The following KCNQ1 variants were observed in gnomAD, a reference collection of about 807,000 sequenced individuals.
KCNQ1 encodes the protein potassium voltage-gated channel subfamily KQT member 1.
In KCNQ1, 49 loss-of-function variants were observed where a neutral mutation model predicts 72.4. The ratio of observed to expected loss-of-function variants is 0.68; its 90% CI spans 0.54 to 0.86. The LOEUF (loss-of-function observed/expected upper bound fraction) is 0.86, where lower values mean the gene tolerates loss of function less well. KCNQ1 is among the 40% of genes least tolerant of loss of function. The pLI is 0.00. For missense variants in KCNQ1, 790 were observed against 945.1 expected, an observed-to-expected ratio of 0.84 and a Z score of 2.15; for synonymous variants, 450 against 412.6, an observed-to-expected ratio of 1.09 and a Z score of -1.10.
intron 2 of KCNQ1, among the ~76,000 whole-genome samples, chr11:2,555,960 G>C (rs1848063679): frequency 1.3e-5 from 2 of 152,204 alleles, no homozygotes; most frequent in Admixed American, 1.3e-4. Context: ...CCCTAGAACA[G>C]ACCTCTGGCC....
chr11:2,584,592 GGTTAGTGTGT>G (rs1848563782), intron 7 of KCNQ1, among the ~76,000 whole-genome samples: 1 of 144,782 alleles, frequency 6.9e-6, no homozygotes, highest in Admixed American at 6.9e-5. Flanking sequence ...TGTGTTTGTG[GGTTAGTGTGT>G]GTTAGTGTGG....
rs879774801 is a variant in KCNQ1, at chr11:2,674,581, T to C, written c.1514+12500T>C. 6.5e-5 allele frequency: 26 copies of C among 398,502 alleles called. No individual in the cohort carries two copies. Among genetic ancestry groups the C allele is most frequent in the Non-Finnish European group, 8.4e-5 (19 of 226,060 alleles). 24.7% of individuals were successfully genotyped at this position (398,502 alleles called of 1,614,324 possible). A position where few individuals can be genotyped will look rare whatever the true frequency, so the allele number is the denominator to read the frequency against. On this transcript the variant is annotated intron_variant, in intron 11 of 15. Transcript: ENST00000155840. The surrounding 1 kb of genome is among the most constrained non-coding windows in gnomAD (Gnocchi z 5.9). ...GTGAGTGAATCTGAAGCATGCTAGT[T>C]GTGTTGCCTTTTAAATAGGCTCTGG...
intron 1 of KCNQ1, among the ~76,000 whole-genome samples, chr11:2,519,620 AAAAACAAAAC>A (rs143712174): frequency 9.9e-5 from 15 of 150,874 alleles, no homozygotes; most frequent in South Asian, 4.2e-4. Context: ...ACTCTGTCTC[AAAAACAAAAC>A]AAAACAAAAC....
Position 2,587,668 on chromosome 11 carries a change from C to G in KCNQ1, c.1227C>G (p.Ser409Arg). ...APRSHTLLSP[S>R]PKPKKSVVVK... ...GGAGCCACACTCTGCTGTCACCCAG[C>G]CCCAAACCCAAGAAGTCTGTGGTGG... The change falls in exon 9 of 16, where the codon AGC becomes AGG. Residue 409 changes from serine to arginine, a missense_variant. Ser to Arg is a moderately radical substitution (Grantham distance 110). Transcript: ENST00000155840. 1 of 1,613,886 alleles carries G rather than the reference C, an allele frequency of 6.2e-7. No individual in the cohort carries two copies. Among genetic ancestry groups the G allele is most frequent in the Non-Finnish European group, 8.5e-7 (1 of 1,180,014 alleles).
chr11:2,686,266 A>C (rs1207759681), intron 11 of KCNQ1: 2 of 398,668 alleles, frequency 5.0e-6, no homozygotes, highest in African/African-American at 2.1e-5. Flanking sequence ...CTGCCACCCC[A>C]GTACTGCCAC....
chr11:2,563,835 A>C lies in KCNQ1; in HGVS notation c.478-6793A>C, dbSNP rs1470680568. Among the ~76,000 whole-genome samples, 2 of 152,254 alleles carry C rather than the reference A, an allele frequency of 1.3e-5. No individual in the cohort carries two copies. The highest frequency in any genetic ancestry group is 2.9e-5 in the Non-Finnish European group (2 of 68,044). ...CATCCTGAGAGGGCTCAAGGTCTGCATGCCATTTTGCAATTGACAAATGGC... is the reference window on the plus strand; with the variant it reads ...CATCCTGAGAGGGCTCAAGGTCTGCCTGCCATTTTGCAATTGACAAATGGC... On this transcript the variant is annotated intron_variant, in intron 2 of 15. Transcript: ENST00000155840. This position sits in a 1 kb window ranked among gnomAD's most constrained non-coding sequence, Gnocchi z 7.4.
In KCNQ1 at chr11:2,460,482, C is replaced by CTCCTCCCT. The variant is rs374298150; in HGVS notation, c.386+14999_386+15006dup. 3.2e-3 allele frequency among the ~76,000 whole-genome samples: 479 copies of CTCCTCCCT among 151,882 alleles called. 5 individuals are homozygous for CTCCTCCCT. Among genetic ancestry groups the CTCCTCCCT allele is most frequent in the African/African-American group, 0.011 (463 of 41,248 alleles). On this transcript the variant is annotated intron_variant, in intron 1 of 15. Coordinates refer to ENST00000155840, the MANE Select transcript of KCNQ1 (RefSeq NM_000218.3). ...GCTCAAGGCCCTGGCCTCCACAGGC[C>CTCCTCCCT]TCCTCCCTCCCTCCCTCCCTCCCTC...
chr11:2,611,743 A>C lies in KCNQ1; in HGVS notation c.1393+22889A>C. On this transcript the variant is annotated intron_variant, in intron 10 of 15. Transcript: ENST00000155840. This position sits in a 1 kb window ranked among gnomAD's most constrained non-coding sequence, Gnocchi z 5.3. ...TGATATGGAAGGATTTATATCTACC[A>C]TGTTGTTATTTATTTTCTATATGTC... The C allele has an allele frequency of 5.0e-6, 2 of 398,310 alleles. No homozygotes were observed. Among genetic ancestry groups the C allele is most frequent in the East Asian group, 7.1e-5 (2 of 28,054 alleles). The allele number at this position is 398,310 out of a possible 1,614,324, so 24.7% of individuals were successfully genotyped here. A position where few individuals can be genotyped will look rare whatever the true frequency, so the allele number is the denominator to read the frequency against.
At chr11:2,472,907 T>C (rs7122546) in intron 1 of KCNQ1, among the ~76,000 whole-genome samples, 84,693 of 151,816 alleles carry the variant, frequency 0.56, 24,715 homozygotes, top group Non-Finnish European at 0.64. Context: ...GGGGCCCTTC[T>C]TGATACTCCA....
At chr11:2,672,437 C>G (rs1158232247) in intron 11 of KCNQ1, 2 of 398,500 alleles carry the variant, frequency 5.0e-6, no homozygotes, top group Non-Finnish European at 8.8e-6. Context: ...ACCCCAGGGG[C>G]TCTGAAGAGC....
In KCNQ1 at chr11:2,810,257, G is replaced by A. The variant is rs1481700169; in HGVS notation, c.1794+32220G>A. Among the ~76,000 whole-genome samples, 5 of 152,172 alleles carry A rather than the reference G, an allele frequency of 3.3e-5. No individual in the cohort carries two copies. The East Asian group carries it at 7.7e-4, about 23-fold the overall frequency. ...TCAATTTCCCAGAGAAGTTCCCTGTGGATGGCTTTGTTCATTGACTGTTCT... is the reference window on the plus strand; with the variant it reads ...TCAATTTCCCAGAGAAGTTCCCTGTAGATGGCTTTGTTCATTGACTGTTCT... On this transcript the variant is annotated intron_variant, in intron 15 of 15. Coordinates refer to ENST00000155840, the MANE Select transcript of KCNQ1 (RefSeq NM_000218.3).
chr11:2,481,314 T>A lies in KCNQ1; in HGVS notation c.386+35830T>A, dbSNP rs1437676696. 6.6e-6 allele frequency among the ~76,000 whole-genome samples: 1 copy of A among 152,198 alleles called. No homozygotes were observed. Among genetic ancestry groups the A allele is most frequent in the Non-Finnish European group, 1.5e-5 (1 of 68,034 alleles). On this transcript the variant is annotated intron_variant, in intron 1 of 15. Transcript: ENST00000155840. This position sits in a 1 kb window ranked among gnomAD's most constrained non-coding sequence, Gnocchi z 4.6. Reference sequence around the variant, plus strand: ...GACTCATCGTACCAAAAGCCAGAGATGCCAGCTTTTAGTTTCCTGCTAGTC... The same window carrying A: ...GACTCATCGTACCAAAAGCCAGAGAAGCCAGCTTTTAGTTTCCTGCTAGTC...
At chr11:2,681,411 G>T (rs972332231) in intron 11 of KCNQ1, 4 of 398,372 alleles carry the variant, frequency 1.0e-5, no homozygotes, top group African/African-American at 2.1e-5. Flanking sequence ...GGCAAAGAAT[G>T]GGGATCCCTG....
chr11:2,730,214 C>T (rs968160259), intron 11 of KCNQ1, among the ~76,000 whole-genome samples: 4 of 152,180 alleles, frequency 2.6e-5, no homozygotes, highest in African/African-American at 9.7e-5. Context: ...AGGATGGCAG[C>T]TGGACCAGGA....
At chr11:2,527,802 G>A in intron 1 of KCNQ1, 126 bp from the exon 2 acceptor site, 1 of 790,310 alleles carries the variant, frequency 1.3e-6, no homozygotes, top group South Asian at 1.4e-5. Flanking sequence ...TGGATGACTG[G>A]GTTTTCGAAG....
rs1263336854 is a variant in KCNQ1 at position 2,562,255 on chromosome 11, C to G, written c.478-8373C>G. Among the ~76,000 whole-genome samples the G allele has an allele frequency of 6.6e-6, 1 of 152,136 alleles. No homozygotes were observed. The highest frequency in any genetic ancestry group is 1.5e-5 in the Non-Finnish European group (1 of 67,984). ...GGGTGAGTGTGGATGAGGGCCCCAG[C>G]TGTGCCCAGCACGTCACTGGGGGCC... On this transcript the variant is annotated intron_variant, in intron 2 of 15. Transcript: ENST00000155840. The surrounding 1 kb of genome is among the most constrained non-coding windows in gnomAD (Gnocchi z 7.5).
chr11:2,539,856 G>A (rs535853000), intron 2 of KCNQ1, among the ~76,000 whole-genome samples: 34 of 152,344 alleles, frequency 2.2e-4, no homozygotes, highest in African/African-American at 7.7e-4. Context: ...TGCCACGTTC[G>A]GTGGGGGTCT....
chr11:2,514,898 A>G lies in KCNQ1; in HGVS notation c.387-13030A>G, dbSNP rs1847264113. On this transcript the variant is annotated intron_variant, in intron 1 of 15. Coordinates refer to ENST00000155840, the MANE Select transcript of KCNQ1 (RefSeq NM_000218.3). The stretch of plus-strand genomic sequence containing the variant: ...ATGAACCCTGAGGACCCACACCCTG[A>G]GCCGCCAGTGGGTCGTGTTGACCTG... 2.0e-5 allele frequency among the ~76,000 whole-genome samples: 3 copies of G among 152,158 alleles called. No homozygotes were observed. The South Asian group carries it at 6.2e-4, about 32-fold the overall frequency.
rs529177130 is a variant in KCNQ1, at chr11:2,705,690, T to A, written c.1514+43609T>A. Among the ~76,000 whole-genome samples the A allele has an allele frequency of 1.1e-4, 17 of 152,338 alleles. No homozygotes were observed. In the East Asian group the frequency reaches 1.5e-3, roughly 14 times the overall value. ...GCCAGGGAAAAGTGGGCCCAGGCCT[T>A]TGAGGACATTGCCACAGCCAGGGCC... On this transcript the variant is annotated intron_variant, in intron 11 of 15. Transcript: ENST00000155840.
Sources: allele counts gnomAD v4.1 joint callset (sites outside exome capture counted in the v4.1 genomes callset), GRCh38; gene constraint gnomAD v4.1.1; non-coding constraint Gnocchi (gnomAD v3.1); transcripts MANE v1.5; gene names NCBI Gene and HGNC (gene_info 2026-07-23, HGNC 2026-07-21).